Variants in MAPK10 observed in about 807,000 individuals in gnomAD.
MAPK10 encodes mitogen-activated protein kinase 10, also known as JNK3 alpha protein kinase.
MAPK10 carries 25 observed loss-of-function variants against 59.3 expected under a neutral mutation model. That is an observed-to-expected ratio of 0.42 (90% CI 0.31 to 0.59). The LOEUF (loss-of-function observed/expected upper bound fraction) is 0.59. Among genes scored for constraint, MAPK10 ranks in the 20% least tolerant of loss-of-function variants. The pLI is 0.15. For missense variants in MAPK10, 351 were observed against 568.9 expected (o/e 0.62, Z 3.90); for synonymous variants, 190 against 200.5 (o/e 0.95, Z 0.44).
intron 1 of MAPK10, among the ~76,000 whole-genome samples, chr4:86,575,520 AGATAT>A (rs1761816941): frequency 2.0e-5 from 3 of 152,032 alleles, no homozygotes; most frequent in African/African-American, 7.2e-5. Flanking sequence ...GTTTTTTGGT[AGATAT>A]CCTTTATCAG....
At chr4:86,154,191 T>C (rs1375870896) in intron 4 of MAPK10, among the ~76,000 whole-genome samples, 1 of 152,120 alleles carries the variant, frequency 6.6e-6, no homozygotes, top group Non-Finnish European at 1.5e-5. Flanking sequence ...CTCTGGATGA[T>C]CTTACCCATC....
chr4:86,174,629 G>T (rs549669724), intron 3 of MAPK10, among the ~76,000 whole-genome samples: 37 of 152,152 alleles, frequency 2.4e-4, no homozygotes, highest in African/African-American at 8.7e-4. Context: ...TTTTAAAAAG[G>T]TGATGTGCCT....
At chr4:86,176,646 GA>G (rs34870954) in intron 3 of MAPK10, among the ~76,000 whole-genome samples, 1 of 151,546 alleles carries the variant, frequency 6.6e-6, no homozygotes, top group Non-Finnish European at 1.5e-5. Context: ...TAAATTTTTA[GA>G]AAAAAACTGC....
intron 1 of MAPK10, among the ~76,000 whole-genome samples, chr4:86,376,240 G>T (rs1739795578): frequency 6.6e-6 from 1 of 152,130 alleles, no homozygotes; most frequent in African/African-American, 2.4e-5. Flanking sequence ...CCACTCAAAA[G>T]CTTGTCAGAA....
chr4:86,327,721 C>T (rs923450278), intron 2 of MAPK10: 3 of 145,422 alleles, frequency 2.1e-5, no homozygotes, highest in African/African-American at 5.0e-5. Flanking sequence ...GGGTAGATCA[C>T]CTGAGGTCAG....
chr4:86,543,154 G>A (rs1265243563), intron 1 of MAPK10, among the ~76,000 whole-genome samples: 3 of 152,246 alleles, frequency 2.0e-5, no homozygotes, highest in African/African-American at 4.8e-5. Context: ...TACCTGATCC[G>A]TCCAGGTGGG....
At chr4:86,064,576 G>A (rs949760534) in intron 10 of MAPK10, 186 bp from the exon 11 acceptor site, 2 of 600,858 alleles carry the variant, frequency 3.3e-6, no homozygotes, top group Non-Finnish European at 5.8e-6. Flanking sequence ...TAAGCCTAAG[G>A]CTTCATTCTG....
chr4:86,103,116 T>TGG (rs373735532), intron 6 of MAPK10, 70 bp downstream of exon 6: 2 of 802,300 alleles, frequency 2.5e-6, no homozygotes. Context: ...TGTGTGTGTG[T>TGG]GGTGTGTGAT....
chr4:86,327,518 T>A (rs1351017002), intron 2 of MAPK10: 1 of 152,082 alleles, frequency 6.6e-6, no homozygotes, highest in Non-Finnish European at 1.5e-5. Flanking sequence ...ACTATCTTTT[T>A]TTTTTGCAAA....
chr4:86,381,957 G>A (rs1456932887), intron 1 of MAPK10, among the ~76,000 whole-genome samples: 3 of 152,054 alleles, frequency 2.0e-5, no homozygotes, highest in Non-Finnish European at 4.4e-5. Context: ...TAAAACCCTT[G>A]ACATTGTTTT....
At chr4:86,379,023 G>A (rs1168596257) in intron 1 of MAPK10, among the ~76,000 whole-genome samples, 3 of 152,188 alleles carry the variant, frequency 2.0e-5, no homozygotes, top group African/African-American at 7.2e-5. Flanking sequence ...GATGAGGTAA[G>A]GAAATGTAGG....
At position 86,094,535 on chromosome 4, in the gene MAPK10, T is replaced by A. The variant is rs574554773; in HGVS notation, c.802+3989A>T. Among the ~76,000 whole-genome samples the A allele has an allele frequency of 3.3e-5, 5 of 152,024 alleles. No individual in the cohort carries two copies. In the South Asian group the frequency reaches 6.2e-4, roughly 19 times the overall value. On this transcript the variant is annotated intron_variant, in intron 9 of 13. Coordinates refer to ENST00000641462, the MANE Select transcript of MAPK10 (RefSeq NM_138982.4). ...CAGGGTTTGCTCAAAGAAGGTGCTA[T>A]CATTTGAAGTAGAATGGAAAAAATA...
At chr4:86,247,641 G>C (rs543410589) in intron 2 of MAPK10, among the ~76,000 whole-genome samples, 1 of 130,248 alleles carries the variant, frequency 7.7e-6, no homozygotes, top group African/African-American at 4.0e-5. Context: ...TAAACACTGT[G>C]TGTGTAGTTG....
intron 2 of MAPK10, among the ~76,000 whole-genome samples, chr4:86,218,561 A>C (rs10010011): frequency 0.28 from 38,400 of 138,690 alleles, 7,666 homozygotes; most frequent in African/African-American, 0.58. Context: ...TAATAATAAG[A>C]CTTAAGCAAA....
At chr4:86,364,138 T>A (rs1737450586), upstream of MAPK10, among the ~76,000 whole-genome samples, 1 of 151,906 alleles carries the variant, frequency 6.6e-6, no homozygotes, top group South Asian at 2.1e-4. Context: ...TGTTTTGTTT[T>A]GTTTTTGAGA....
At chr4:86,534,504 T>A (rs990896960) in intron 1 of MAPK10, among the ~76,000 whole-genome samples, 3 of 152,092 alleles carry the variant, frequency 2.0e-5, no homozygotes, top group Non-Finnish European at 4.4e-5. Context: ...CCTTTTAGTT[T>A]TAACAAATGC....
At chr4:86,314,268 G>A (rs935192839) in intron 2 of MAPK10, among the ~76,000 whole-genome samples, 5 of 152,076 alleles carry the variant, frequency 3.3e-5, no homozygotes, top group Admixed American at 1.3e-4. Context: ...TAGGTTATAT[G>A]GTTTGGCTTT....
Position 86,496,173 on chromosome 4 carries a change from A to G in MAPK10, c.-263+97737T>C, listed in dbSNP as rs564300047. Among the ~76,000 whole-genome samples, 26 of 152,326 alleles carry G rather than the reference A, an allele frequency of 1.7e-4. No individual in the cohort carries two copies. The South Asian group carries it at 3.5e-3, about 21-fold the overall frequency. ...AAGGATCTAAATAATGCAAAACCTG[A>G]TATTAGCTACATGCTTTCCAGCCAT... is the stretch of plus-strand genomic sequence containing the variant. On this transcript the variant is annotated intron_variant, in intron 1 of 4. Transcript: ENST00000502302.
chr4:86,044,689 C>A (rs2042190525), intron 11 of MAPK10: 2 of 397,352 alleles, frequency 5.0e-6, no homozygotes, highest in Non-Finnish European at 8.9e-6. Context: ...GTCTCATAAT[C>A]AAATGCAGTC....
Sources: allele counts gnomAD v4.1 joint callset (sites outside exome capture counted in the v4.1 genomes callset), GRCh38; gene constraint gnomAD v4.1.1; transcripts MANE v1.5; gene names NCBI Gene and HGNC (gene_info 2026-07-23, HGNC 2026-07-21).